TRIM2: variants seen among roughly 807,000 people sequenced by gnomAD.
TRIM2 encodes the protein tripartite motif containing 2, also known as tripartite motif-containing protein 2.
In TRIM2, 20 loss-of-function variants were observed where a neutral mutation model predicts 75.2. That is an observed-to-expected ratio of 0.27 (90% CI 0.19 to 0.39). TRIM2 has a LOEUF of 0.39. Among genes scored for constraint, TRIM2 ranks in the 10% least tolerant of loss-of-function variants. The pLI is 1.00. For synonymous variants in TRIM2, 373 were observed against 388.3 expected (o/e 0.96, Z 0.46); for missense variants, 660 against 990.8 (o/e 0.67, Z 4.48).
chr4:153,183,668 A>G (rs1041803029), intron 1 of TRIM2, among the ~76,000 whole-genome samples: 2 of 152,226 alleles, frequency 1.3e-5, no homozygotes, highest in African/African-American at 4.8e-5. Context: ...GGCTGGGTTC[A>G]AGACATCAGA....
intron 1 of TRIM2, among the ~76,000 whole-genome samples, chr4:153,165,416 A>C (rs1473373594): frequency 6.6e-6 from 1 of 151,964 alleles, no homozygotes; most frequent in African/African-American, 2.4e-5. Flanking sequence ...CTGCAGCCTC[A>C]ACCTCCTGGG....
At chr4:153,217,249 T>C (rs933216296) in intron 1 of TRIM2, among the ~76,000 whole-genome samples, 8 of 152,150 alleles carry the variant, frequency 5.3e-5, no homozygotes, top group African/African-American at 1.9e-4. Context: ...AGATGAGGTA[T>C]CTGTACATGT....
intron 1 of TRIM2, among the ~76,000 whole-genome samples, chr4:153,264,600 T>C (rs1313962360): frequency 1.3e-5 from 2 of 152,242 alleles, no homozygotes; most frequent in Non-Finnish European, 2.9e-5. Context: ...GTTGCTTTTT[T>C]AATCAAGGAG....
At chr4:153,177,707 C>CTCCCTCCTTCCT (rs1731593771) in intron 1 of TRIM2, among the ~76,000 whole-genome samples, 1 of 133,886 alleles carries the variant, frequency 7.5e-6, no homozygotes, top group Non-Finnish European at 1.6e-5. Flanking sequence ...TGGTGGCTCG[C>CTCCCTCCTTCCT]TCCTTCCTTC....
intron 1 of TRIM2, among the ~76,000 whole-genome samples, chr4:153,267,822 A>C (rs972428621): frequency 2.0e-5 from 3 of 151,736 alleles, no homozygotes; most frequent in African/African-American, 7.3e-5. Context: ...TAACCACCCA[A>C]CAGGTTCACC....
intron 1 of TRIM2, among the ~76,000 whole-genome samples, chr4:153,191,228 A>G (rs1331604437): frequency 2.0e-5 from 3 of 152,218 alleles, no homozygotes; most frequent in African/African-American, 4.8e-5. Context: ...CAAAAAGTCC[A>G]ATGATGGGCT....
At chr4:153,173,840 G>A (rs956856557) in intron 1 of TRIM2, among the ~76,000 whole-genome samples, 3 of 151,768 alleles carry the variant, frequency 2.0e-5, no homozygotes, top group Admixed American at 6.6e-5. Flanking sequence ...GGTGGCACAC[G>A]CCTGTGGTCC....
chr4:153,260,557 A>G (rs568258488), intron 1 of TRIM2, among the ~76,000 whole-genome samples: 5 of 152,104 alleles, frequency 3.3e-5, no homozygotes, highest in Admixed American at 1.3e-4. Context: ...GGAAGCTGTC[A>G]TATATCTGAC....
At chr4:153,272,480 A>ATTT (rs879636918) in intron 2 of TRIM2, among the ~76,000 whole-genome samples, 3,852 of 147,110 alleles carry the variant, frequency 0.026, 100 homozygotes, top group African/African-American at 0.07. Flanking sequence ...TTATTTTATT[A>ATTT]ATTATTTATT....
At chr4:153,264,400 A>G (rs1364071895) in intron 1 of TRIM2, among the ~76,000 whole-genome samples, 2 of 152,202 alleles carry the variant, frequency 1.3e-5, no homozygotes, top group Non-Finnish European at 1.5e-5. Flanking sequence ...CACCCCAGGC[A>G]TGTTTTCACA....
chr4:153,270,451 T>A lies in TRIM2; in HGVS notation c.147T>A (p.Ile49=). The part of the protein sequence containing the change: ...VVRQIDKQFL[I]CSICLERYKN... ...GCCAGATTGACAAGCAGTTTCTGAT[T>A]TGCAGTATATGCCTGGAACGGTACA... Residue 49 remains isoleucine (I), a synonymous_variant, in exon 2 of 12, where the codon ATT becomes ATA. Transcript: ENST00000338700. 1.2e-6 allele frequency: 2 copies of A among 1,614,012 alleles called. No individual in the cohort carries two copies. The highest frequency in any genetic ancestry group is 1.7e-6 in the Non-Finnish European group (2 of 1,179,968).
chr4:153,229,531 T>TA (rs1192896303), intron 1 of TRIM2, among the ~76,000 whole-genome samples: 1 of 152,216 alleles, frequency 6.6e-6, no homozygotes, highest in Non-Finnish European at 1.5e-5. Context: ...GTGCTGGGAT[T>TA]ACAGGCATGA....
intron 1 of TRIM2, among the ~76,000 whole-genome samples, chr4:153,256,870 C>A (rs1042060065): frequency 3.3e-5 from 5 of 152,080 alleles, no homozygotes; most frequent in African/African-American, 1.2e-4. Flanking sequence ...GGGTAAATAC[C>A]AAGAGAGGAA....
intron 3 of TRIM2, among the ~76,000 whole-genome samples, chr4:153,281,785 G>C (rs1759399514): frequency 6.6e-6 from 1 of 152,244 alleles, no homozygotes; most frequent in Admixed American, 6.5e-5. Context: ...ATAATGGTCA[G>C]TGATCTAACA....
chr4:153,292,677 A>G (rs574760506), intron 3 of TRIM2, among the ~76,000 whole-genome samples: 2 of 152,238 alleles, frequency 1.3e-5, no homozygotes, highest in Non-Finnish European at 1.5e-5. Context: ...ATTTTTAAAG[A>G]TTATAACGGG....
intron 1 of TRIM2, among the ~76,000 whole-genome samples, chr4:153,249,281 C>A (rs977978906): frequency 4.6e-5 from 7 of 152,236 alleles, no homozygotes; most frequent in African/African-American, 1.7e-4. Context: ...TCCGCCTGAG[C>A]GCAGCTCGGC....
At chr4:153,268,950 T>G (rs916187574) in intron 1 of TRIM2, among the ~76,000 whole-genome samples, 6 of 152,214 alleles carry the variant, frequency 3.9e-5, no homozygotes, top group Non-Finnish European at 8.8e-5. Flanking sequence ...CAAATATATT[T>G]TAGTTTCAAA....
chr4:153,284,199 T>C (rs752921501), intron 3 of TRIM2, among the ~76,000 whole-genome samples: 1 of 146,192 alleles, frequency 6.8e-6, no homozygotes, highest in Non-Finnish European at 1.5e-5. Flanking sequence ...TGTTTTGTTT[T>C]TTGTTTTTTG....
chr4:153,303,128 A>G (rs893804), intron 6 of TRIM2, among the ~76,000 whole-genome samples: 33,612 of 151,840 alleles, frequency 0.22, 4,283 homozygotes, highest in African/African-American at 0.35. Context: ...CAACATCCAT[A>G]CCTTTGACTA....
Sources: gnomAD v4.1 joint callset for allele counts (sites outside exome capture counted in the v4.1 genomes callset) on GRCh38, gnomAD v4.1.1 for gene constraint, MANE v1.5 for transcripts, NCBI Gene and HGNC (gene_info 2026-07-23, HGNC 2026-07-21) for gene names.